Variants in CDH2 observed in about 807,000 individuals in gnomAD.
CDH2 encodes cadherin 2.
A neutral mutation model predicts 92.0 loss-of-function variants in CDH2; 17 were observed. The observed-to-expected ratio is 0.18, with a 90% CI of 0.13 to 0.28. The LOEUF is 0.28. Among genes scored for constraint, CDH2 ranks in the 10% least tolerant of loss-of-function variants. CDH2 has a pLI of 1.00. For missense variants in CDH2, 862 were observed against 1,133.1 expected (o/e 0.76, Z 3.44); for synonymous variants, 419 against 415.9 (o/e 1.01, Z -0.09).
chr18:28,037,031 A>T (rs2144097759), intron 2 of CDH2, among the ~76,000 whole-genome samples: 1 of 152,258 alleles, frequency 6.6e-6, no homozygotes, highest in South Asian at 2.1e-4. Context: ...ACTTGGGTGA[A>T]AAGTCAATAA....
chr18:28,176,653 C>G (rs1305851332), intron 1 of CDH2, among the ~76,000 whole-genome samples: 1 of 152,028 alleles, frequency 6.6e-6, no homozygotes, highest in Non-Finnish European at 1.5e-5. Context: ...GCCTCACCCT[C>G]CTGCTGCCTG....
chr18:28,123,544 G>T (rs2015626465), intron 2 of CDH2, among the ~76,000 whole-genome samples: 1 of 152,098 alleles, frequency 6.6e-6, no homozygotes, highest in Non-Finnish European at 1.5e-5. Flanking sequence ...ATGAACCCAG[G>T]AGCAAGCTCT....
chr18:28,150,398 T>C (rs1306934105), intron 1 of CDH2, among the ~76,000 whole-genome samples: 1 of 152,210 alleles, frequency 6.6e-6, no homozygotes, highest in Admixed American at 6.5e-5. Flanking sequence ...TTATTCAATC[T>C]TGTTTCCCAG....
At chr18:28,055,955 C>T (rs2014284429) in intron 2 of CDH2, among the ~76,000 whole-genome samples, 1 of 151,964 alleles carries the variant, frequency 6.6e-6, no homozygotes, top group Non-Finnish European at 1.5e-5. Flanking sequence ...ATTAAGATTA[C>T]TAAGAGTTAA....
At chr18:28,172,444 A>G (rs990119226) in intron 1 of CDH2, among the ~76,000 whole-genome samples, 2 of 152,152 alleles carry the variant, frequency 1.3e-5, no homozygotes, top group Non-Finnish European at 1.5e-5. Context: ...GTATTTAGTT[A>G]AATACAAAGA....
chr18:28,155,773 A>G (rs1049211090), intron 1 of CDH2, among the ~76,000 whole-genome samples: 1 of 152,094 alleles, frequency 6.6e-6, no homozygotes, highest in African/African-American at 2.4e-5. Flanking sequence ...TTTTAATCCA[A>G]TTTCTCACCA....
At chr18:28,127,245 T>C (rs2015692492) in intron 2 of CDH2, among the ~76,000 whole-genome samples, 1 of 152,186 alleles carries the variant, frequency 6.6e-6, no homozygotes, top group Admixed American at 6.5e-5. Context: ...ACCAACCTGA[T>C]TTAGGGGAAA....
chr18:28,034,955 TACCTAATAAGG>T (rs1599051308), intron 2 of CDH2, among the ~76,000 whole-genome samples: 1 of 152,046 alleles, frequency 6.6e-6, no homozygotes, highest in East Asian at 1.9e-4. Flanking sequence ...TTTTTGGAAC[TACCTAATAAGG>T]AATACAAAAC....
chr18:28,044,955 C>A (rs964579570), intron 2 of CDH2, among the ~76,000 whole-genome samples: 1 of 151,874 alleles, frequency 6.6e-6, no homozygotes, highest in Non-Finnish European at 1.5e-5. Context: ...AATTCATTAT[C>A]TCTATCCCAG....
intron 2 of CDH2, chr18:28,146,675 G>T (rs1255430548): frequency 2.0e-5 from 3 of 152,072 alleles, no homozygotes; most frequent in Non-Finnish European, 2.9e-5. Flanking sequence ...AAAGTCCTCT[G>T]TCTATGGTAT....
At chr18:27,976,967 G>A (rs149096320) in intron 14 of CDH2, among the ~76,000 whole-genome samples, 90 of 152,238 alleles carry the variant, frequency 5.9e-4, no homozygotes, top group African/African-American at 2.0e-3. Context: ...TATTAGTGAC[G>A]CTGATATGGA....
chr18:27,964,918 G>A (rs978369551), intron 14 of CDH2, among the ~76,000 whole-genome samples: 1 of 152,144 alleles, frequency 6.6e-6, no homozygotes, highest in Admixed American at 6.5e-5. Context: ...AAACGAGCTT[G>A]AGCTTGGAGG....
intron 1 of CDH2, among the ~76,000 whole-genome samples, chr18:28,168,405 T>C (rs1023663497): frequency 1.3e-5 from 2 of 152,244 alleles, no homozygotes; most frequent in African/African-American, 2.4e-5. Context: ...TGTTCAAATA[T>C]GGAAAATGTT....
intron 14 of CDH2, among the ~76,000 whole-genome samples, chr18:27,979,285 A>G (rs1362119393): frequency 6.6e-6 from 1 of 152,178 alleles, no homozygotes; most frequent in Non-Finnish European, 1.5e-5. Flanking sequence ...TGAGACATAC[A>G]TCATCAATGT....
chr18:27,947,892 A>C (rs1184663193), downstream of CDH2, among the ~76,000 whole-genome samples: 1 of 151,788 alleles, frequency 6.6e-6, no homozygotes, highest in Non-Finnish European at 1.5e-5. Context: ...TGAAGTTTTT[A>C]ACAAGTAGTG....
chr18:28,153,217 C>T (rs1406596187), intron 1 of CDH2, among the ~76,000 whole-genome samples: 2 of 152,096 alleles, frequency 1.3e-5, no homozygotes, highest in African/African-American at 4.8e-5. Flanking sequence ...AGAACAAAGC[C>T]CCTGGTGATT....
Position 28,149,293 on chromosome 18 carries a change from G to A in CDH2, c.61-1509C>T, listed in dbSNP as rs1296859230. Among the ~76,000 whole-genome samples, 4 of 152,214 alleles carry A rather than the reference G, an allele frequency of 2.6e-5. No individual in the cohort carries two copies. The East Asian group carries it at 7.7e-4, about 29-fold the overall frequency. On this transcript the variant is annotated intron_variant, in intron 1 of 15. Coordinates refer to ENST00000269141, the MANE Select transcript of CDH2 (RefSeq NM_001792.5). ...TGTACATGTCCATCAAAAGGAGAAT[G>A]GACTAATACATCATCACAAAGCCAA...
At chr18:28,015,999 A>T (rs1416182383) in intron 2 of CDH2, among the ~76,000 whole-genome samples, 1 of 152,140 alleles carries the variant, frequency 6.6e-6, no homozygotes, top group African/African-American at 2.4e-5. Context: ...TCAAATTCTT[A>T]TCTGGGACAC....
chr18:28,044,319 T>A (rs1210887264), intron 2 of CDH2, among the ~76,000 whole-genome samples: 2 of 152,198 alleles, frequency 1.3e-5, no homozygotes, highest in Non-Finnish European at 2.9e-5. Flanking sequence ...ACTGTTCACA[T>A]TTTGCCTGTT....
Sources: allele counts gnomAD v4.1 joint callset (sites outside exome capture counted in the v4.1 genomes callset), GRCh38; gene constraint gnomAD v4.1.1; transcripts MANE v1.5; gene names NCBI Gene and HGNC (gene_info 2026-07-23, HGNC 2026-07-21).